Variants in HNRNPR observed in about 807,000 individuals in gnomAD.
HNRNPR encodes the protein heterogeneous nuclear ribonucleoprotein R.
In HNRNPR, 4 loss-of-function variants were observed where a neutral mutation model predicts 70.3. The observed-to-expected ratio is 0.06, with a 90% CI of 0.03 to 0.13. The LOEUF is 0.13. Ranked by LOEUF, HNRNPR falls within the 10% of genes least tolerant of loss-of-function variation. The pLI is 1.00. For missense variants in HNRNPR, 423 were observed against 788.5 expected (o/e 0.54, Z 5.55); for synonymous variants, 241 against 267.6 (o/e 0.90, Z 0.97).
intron 8 of HNRNPR, among the ~76,000 whole-genome samples, chr1:23,315,614 A>G (rs912687877): frequency 1.3e-5 from 2 of 152,210 alleles, no homozygotes; most frequent in African/African-American, 4.8e-5. Flanking sequence ...GATGCCTTAT[A>G]GGAGACAAAG....
At chr1:23,320,654 G>A (rs900537165) in intron 7 of HNRNPR, among the ~76,000 whole-genome samples, 5 of 152,088 alleles carry the variant, frequency 3.3e-5, no homozygotes, top group African/African-American at 4.8e-5. Flanking sequence ...TACAAGGGGA[G>A]GCAGCGGTCT....
At chr1:23,340,731 CA>C (rs1441206463) in intron 2 of HNRNPR, 120 bp downstream of exon 2, 3 of 800,382 alleles carry the variant, frequency 3.7e-6, no homozygotes, top group Non-Finnish European at 5.8e-6. Context: ...GGGAAAGTAA[CA>C]AACATTCAGC....
In HNRNPR at chr1:23,307,054, A is replaced by T. The variant is rs1158343531; in HGVS notation, c.*3400T>A. ...GTCCACATAATAATGGACTACACTA[A>T]TATTAACTTTGGTTAGTTTTCTTTA... is the stretch of plus-strand genomic sequence containing the variant. On this transcript the variant is annotated 3_prime_UTR_variant, in exon 11 of 11. Transcript: ENST00000302271. The T allele has an allele frequency of 6.6e-6, 1 of 152,208 alleles. No individual in the cohort carries two copies. The highest frequency in any genetic ancestry group is 1.5e-5 in the Non-Finnish European group (1 of 68,026). The allele number at this position is 152,208 out of a possible 1,614,324, so 9.4% of individuals were successfully genotyped here. A position where few individuals can be genotyped will look rare whatever the true frequency, so the allele number is the denominator to read the frequency against.
intron 3 of HNRNPR, 61 bp from the exon 4 acceptor site, chr1:23,337,922 A>G: frequency 1.0e-6 from 1 of 959,706 alleles, no homozygotes; most frequent in Middle Eastern, 2.2e-4. Context: ...GGTCAGATAC[A>G]TAATTAAATT....
chr1:23,318,842 A>G lies in HNRNPR; in HGVS notation c.812-154T>C. 1 of 670,466 alleles carries G rather than the reference A, an allele frequency of 1.5e-6. No homozygotes were observed. Among genetic ancestry groups the G allele is most frequent in the Non-Finnish European group, 2.6e-6 (1 of 389,824 alleles). The allele number at this position is 670,466 out of a possible 1,614,324, so 41.5% of individuals were successfully genotyped here. Reference sequence around the variant, plus strand: ...TGTAGACAATTAGATCAACATAATTAGATATGGGGTTTGGGACAGTATTTG... The same window carrying G: ...TGTAGACAATTAGATCAACATAATTGGATATGGGGTTTGGGACAGTATTTG... On this transcript the variant is annotated intron_variant, in intron 7 of 10. Transcript: ENST00000302271. This position sits in a 1 kb window ranked among gnomAD's most constrained non-coding sequence, Gnocchi z 4.2.
At chr1:23,313,050 C>A (rs1441292645) in intron 9 of HNRNPR, among the ~76,000 whole-genome samples, 1 of 152,112 alleles carries the variant, frequency 6.6e-6, no homozygotes, top group Non-Finnish European at 1.5e-5. Context: ...ATATCTCTAA[C>A]AATTACCGAA....
At position 23,307,700 on chromosome 1, in the gene HNRNPR, A is replaced by C. The variant is rs547827217; in HGVS notation, c.*2754T>G. On this transcript the variant is annotated 3_prime_UTR_variant, in exon 11 of 11. Coordinates refer to ENST00000302271, the MANE Select transcript of HNRNPR (RefSeq NM_005826.5). The stretch of plus-strand genomic sequence containing the variant: ...GCTATAAATGAGTGATCAAATAAAA[A>C]TTAGTATTCCATTATGGGGAGGGGC... The C allele has an allele frequency of 1.5e-4, 23 of 152,216 alleles. 1 individual carries two copies. In the South Asian group the frequency reaches 3.9e-3, roughly 26 times the overall value. 9.4% of individuals were successfully genotyped at this position (152,216 alleles called of 1,614,324 possible).
At chr1:23,336,517 A>G (rs1386690586) in intron 4 of HNRNPR, among the ~76,000 whole-genome samples, 2 of 138,026 alleles carry the variant, frequency 1.4e-5, no homozygotes, top group Non-Finnish European at 1.5e-5. Context: ...CCTTGCAATG[A>G]GCTGAGATCG....
intron 9 of HNRNPR, chr1:23,311,687 G>A (rs910897095): frequency 1.7e-5 from 3 of 174,126 alleles, no homozygotes; most frequent in African/African-American, 4.8e-5. Flanking sequence ...GTATTAATAC[G>A]AGCCAGACAA....
rs1006878461 is a variant in HNRNPR, at chr1:23,317,005, T to C, written c.1017+1478A>G. Reference sequence around the variant, plus strand: ...AACCAGAGTTCTCCTCCAAACTACTTAGAACGAGGGTTTGCCTCCTCAAAT... The same window carrying C: ...AACCAGAGTTCTCCTCCAAACTACTCAGAACGAGGGTTTGCCTCCTCAAAT... On this transcript the variant is annotated intron_variant, in intron 8 of 10. Coordinates refer to ENST00000302271, the MANE Select transcript of HNRNPR (RefSeq NM_005826.5). Among the ~76,000 whole-genome samples, 6 of 152,138 alleles carry C rather than the reference T, an allele frequency of 3.9e-5. No individual in the cohort carries two copies. The East Asian group carries it at 7.7e-4, about 19-fold the overall frequency.
At position 23,340,970 on chromosome 1, in the gene HNRNPR, T is replaced by C. The variant is rs755519959; in HGVS notation, c.39A>G (p.Lys13=). The C allele has an allele frequency of 6.2e-7, 1 of 1,613,506 alleles. No individual in the cohort carries two copies. The change falls in exon 2 of 11, where the codon AAA becomes AAG. Residue 13 remains lysine, a synonymous_variant. Coordinates refer to ENST00000302271, the MANE Select transcript of HNRNPR (RefSeq NM_005826.5). ...NQVNGNAVQL[K]EEEEPMDTSS... ...AAGTATCCATTGGTTCTTCCTCTTC[T>C]TTTAACTGTACCGCATTACCATTCA...
chr1:23,325,833 GTAT>G (rs2148403508), intron 5 of HNRNPR, among the ~76,000 whole-genome samples: 1 of 152,218 alleles, frequency 6.6e-6, no homozygotes, highest in South Asian at 2.1e-4. Context: ...ACTTTAGATT[GTAT>G]TATATTTATT....
chr1:23,324,209 AT>A (rs2148393038), intron 5 of HNRNPR, among the ~76,000 whole-genome samples: 1 of 151,996 alleles, frequency 6.6e-6, no homozygotes, highest in East Asian at 1.9e-4. Flanking sequence ...AAATAAAATA[AT>A]TGAATAAAAG....
chr1:23,335,347 C>G (rs891513705), intron 4 of HNRNPR, among the ~76,000 whole-genome samples: 1 of 152,216 alleles, frequency 6.6e-6, no homozygotes, highest in Non-Finnish European at 1.5e-5. Flanking sequence ...TGAAACAGAG[C>G]CATAAATGTA....
Position 23,333,560 on chromosome 1 carries a change from T to C in HNRNPR, c.456A>G (p.Pro152=), listed in dbSNP as rs1391078934. 9 of 1,613,710 alleles carry C rather than the reference T, an allele frequency of 5.6e-6. No homozygotes were observed. Among genetic ancestry groups the C allele is most frequent in the Non-Finnish European group, 6.8e-6 (8 of 1,179,682 alleles). ...TGQRKYGGPP[P]DSVYSGVQPG... is the part of the protein sequence containing the mutation. ...GTTGCACGCCAGAGTACACACTGTCTGGTGGAGGACCACCATACTTCCTCT... is the reference window on the plus strand; with the variant it reads ...GTTGCACGCCAGAGTACACACTGTCCGGTGGAGGACCACCATACTTCCTCT... Residue 152 remains proline (P), a synonymous_variant, in exon 5 of 11, where the codon CCA becomes CCG. Transcript: ENST00000302271.
At chr1:23,342,132 A>G (rs1646725992) in intron 1 of HNRNPR, among the ~76,000 whole-genome samples, 1 of 152,228 alleles carries the variant, frequency 6.6e-6, no homozygotes, top group South Asian at 2.1e-4. Flanking sequence ...CAAGATACCT[A>G]GTCATCTATA....
chr1:23,338,075 G>A (rs1415615268), intron 3 of HNRNPR: 12 of 451,612 alleles, frequency 2.7e-5, no homozygotes, highest in Non-Finnish European at 3.9e-5. Context: ...TCTACCCTGG[G>A]AAAACACAGT....
chr1:23,312,735 A>G (rs1364166250), intron 9 of HNRNPR, among the ~76,000 whole-genome samples: 1 of 152,216 alleles, frequency 6.6e-6, no homozygotes, highest in Non-Finnish European at 1.5e-5. Context: ...AAAAATGCTC[A>G]GATTAGAGAT....
intron 8 of HNRNPR, among the ~76,000 whole-genome samples, chr1:23,315,952 C>G (rs1451921517): frequency 2.0e-5 from 3 of 152,118 alleles, no homozygotes; most frequent in African/African-American, 7.2e-5. Flanking sequence ...GAAACGATAA[C>G]ATACTATGTG....
Sources: allele counts gnomAD v4.1 joint callset (sites outside exome capture counted in the v4.1 genomes callset), GRCh38; gene constraint gnomAD v4.1.1; non-coding constraint Gnocchi (gnomAD v3.1); transcripts MANE v1.5; gene names NCBI Gene and HGNC (gene_info 2026-07-23, HGNC 2026-07-21).